Variants in FAM241A observed in about 807,000 individuals in gnomAD.
FAM241A encodes family with sequence similarity 241 member A, also known as uncharacterized protein FAM241A.
Under a neutral mutation model 12.2 loss-of-function variants are expected in FAM241A, and 7 were observed. That is an observed-to-expected ratio of 0.58 (90% confidence interval 0.33 to 1.08). The LOEUF (loss-of-function observed/expected upper bound fraction) is 1.08, where lower values mean the gene tolerates loss of function less well. FAM241A is among the 50% of genes least tolerant of loss of function. The pLI is 0.04. For synonymous variants in FAM241A, 74 were observed against 68.2 expected (o/e 1.08, Z -0.42); for missense variants, 161 against 169.7 (o/e 0.95, Z 0.29).
At position 112,160,856 on chromosome 4, in the gene FAM241A, A is replaced by G. The variant is rs116601435; in HGVS notation, c.153+15123A>G. ...GCTGTGGGAAAAACTGGATATCCAT[A>G]TGCAGAAGAATGAAACTACATCCTT... On this transcript the variant is annotated intron_variant, in intron 1 of 1. Coordinates refer to ENST00000309733, the MANE Select transcript of FAM241A (RefSeq NM_152400.3). Among the ~76,000 whole-genome samples the G allele has an allele frequency of 5.0e-3, 756 of 152,342 alleles. 3 individuals are homozygous for G. The highest frequency in any genetic ancestry group is 0.017 in the African/African-American group (700 of 41,578).
intron 1 of FAM241A, among the ~76,000 whole-genome samples, chr4:112,173,008 C>T (rs929472134): frequency 3.3e-5 from 5 of 152,162 alleles, no homozygotes; most frequent in Non-Finnish European, 7.4e-5. Context: ...CTACCTCAGC[C>T]TCCTGAGCAG....
intron 1 of FAM241A, among the ~76,000 whole-genome samples, chr4:112,147,137 A>T (rs1366357282): frequency 1.3e-5 from 2 of 152,256 alleles, no homozygotes; most frequent in Non-Finnish European, 2.9e-5. Context: ...TAGTATGATT[A>T]TGTAGACATC....
At position 112,186,843 on chromosome 4, in the gene FAM241A, G is replaced by A; in HGVS notation, c.304G>A (p.Val102Ile). ...AGAACGAATAGTGGAACCAGTAATA[G>A]TCATTTTCTTTTGGGTTATGCTGTG... is the stretch of plus-strand genomic sequence containing the variant. ...FGERIVEPVI[V>I]IFFWVMLWFL... The change falls in exon 2 of 2, where the codon GTC (valine) becomes ATC (isoleucine). Residue 102 changes from valine to isoleucine, a missense_variant. Val to Ile is a conservative substitution (Grantham distance 29, BLOSUM62 3). Coordinates refer to ENST00000309733, the MANE Select transcript of FAM241A (RefSeq NM_152400.3). 1 of 1,614,076 alleles carries A rather than the reference G, an allele frequency of 6.2e-7. No homozygotes were observed. The highest frequency in any genetic ancestry group is 2.2e-5 in the East Asian group (1 of 44,876).
chr4:112,156,858 T>C (rs1358609552), intron 1 of FAM241A, among the ~76,000 whole-genome samples: 2 of 152,172 alleles, frequency 1.3e-5, no homozygotes, highest in Admixed American at 6.6e-5. Context: ...TTAAAAATTA[T>C]CACAATATAA....
At chr4:112,158,082 A>G (rs1299847868) in intron 1 of FAM241A, among the ~76,000 whole-genome samples, 1 of 152,132 alleles carries the variant, frequency 6.6e-6, no homozygotes, top group African/African-American at 2.4e-5. Context: ...AATAGATATC[A>G]AACTTTGTCC....
intron 1 of FAM241A, among the ~76,000 whole-genome samples, chr4:112,165,144 A>G (rs1401023033): frequency 6.6e-6 from 1 of 152,232 alleles, no homozygotes; most frequent in Admixed American, 6.5e-5. Context: ...AAACAGGCAT[A>G]TGAAAAGATG....
At chr4:112,168,863 G>A (rs1456549964) in intron 1 of FAM241A, among the ~76,000 whole-genome samples, 3 of 152,002 alleles carry the variant, frequency 2.0e-5, no homozygotes, top group Admixed American at 2.0e-4. Flanking sequence ...CGGAGTTTCA[G>A]CATGTTGGTC....
At chr4:112,148,379 A>G (rs1723181847) in intron 1 of FAM241A, among the ~76,000 whole-genome samples, 1 of 152,156 alleles carries the variant, frequency 6.6e-6, no homozygotes, top group Admixed American at 6.5e-5. Context: ...ACCTAGTATT[A>G]ACATAGGTGT....
In FAM241A at chr4:112,193,399, GT is replaced by G. The variant is rs1724204654; in HGVS notation, c.*6465del. On this transcript the variant is annotated 3_prime_UTR_variant, in exon 2 of 2. Transcript: ENST00000309733. Reference sequence around the variant, plus strand: ...GTCTTTTGTTGCCATTGCTTTTGGTGTTTTAGACATGAAGTCCTTGCCCATG... The same window carrying G: ...GTCTTTTGTTGCCATTGCTTTTGGTGTTTAGACATGAAGTCCTTGCCCATG... 6.6e-6 allele frequency: 1 copy of G among 152,074 alleles called. No homozygotes were observed. Among genetic ancestry groups the G allele is most frequent in the Non-Finnish European group, 1.5e-5 (1 of 68,008 alleles). 9.4% of individuals were successfully genotyped at this position (152,074 alleles called of 1,614,324 possible).
At chr4:112,171,638 T>TC (rs986081847) in intron 1 of FAM241A, 1 of 518,448 alleles carries the variant, frequency 1.9e-6, no homozygotes, top group African/African-American at 1.9e-5. Flanking sequence ...GGCGGGCGAA[T>TC]CACGAGGTTA....
chr4:112,176,359 T>C (rs1723821276), intron 1 of FAM241A, among the ~76,000 whole-genome samples: 1 of 152,038 alleles, frequency 6.6e-6, no homozygotes, highest in East Asian at 1.9e-4. Context: ...TTCAAAAAGG[T>C]TTTATCTGTT....
chr4:112,184,954 A>T (rs1724010403), intron 1 of FAM241A, among the ~76,000 whole-genome samples: 1 of 152,154 alleles, frequency 6.6e-6, no homozygotes, highest in Non-Finnish European at 1.5e-5. Context: ...ATTTCCTCAA[A>T]TTCATTGGCT....
rs1269574713 is a variant in FAM241A at position 112,190,510 on chromosome 4, A to AC, written c.*3576dup. On this transcript the variant is annotated 3_prime_UTR_variant, in exon 2 of 2. Coordinates refer to ENST00000309733, the MANE Select transcript of FAM241A (RefSeq NM_152400.3). ...AGACTAGCCTGACCAACATGGAGAA[A>AC]CCCCGTCTCTACTAAAAAAAAAAAA... The AC allele has an allele frequency of 1.4e-5, 2 of 141,830 alleles. No individual in the cohort carries two copies. The highest frequency in any genetic ancestry group is 3.0e-5 in the Non-Finnish European group (2 of 66,052). The allele number at this position is 141,830 out of a possible 1,614,324, so 8.8% of individuals were successfully genotyped here.
intron 1 of FAM241A, among the ~76,000 whole-genome samples, chr4:112,182,446 A>G (rs1723958769): frequency 6.6e-6 from 1 of 152,128 alleles, no homozygotes; most frequent in Admixed American, 6.5e-5. Flanking sequence ...CCCACTTGCA[A>G]TATATTTGTA....
Position 112,193,426 on chromosome 4 carries a change from C to T in FAM241A, c.*6488C>T, listed in dbSNP as rs1433252405. The T allele has an allele frequency of 3.3e-5, 5 of 152,170 alleles. No individual in the cohort carries two copies. The South Asian group carries it at 1.0e-3, about 32-fold the overall frequency. The allele number at this position is 152,170 out of a possible 1,614,324, so 9.4% of individuals were successfully genotyped here. On this transcript the variant is annotated 3_prime_UTR_variant, in exon 2 of 2. Transcript: ENST00000309733. The stretch of plus-strand genomic sequence containing the variant: ...TTTAGACATGAAGTCCTTGCCCATG[C>T]CTATGTCCTGAATGGTAATGCCTAG...
At chr4:112,159,770 A>C (rs1346130167) in intron 1 of FAM241A, among the ~76,000 whole-genome samples, 2 of 152,190 alleles carry the variant, frequency 1.3e-5, no homozygotes, top group East Asian at 3.9e-4. Flanking sequence ...ATAGAAAGAA[A>C]ATATCTCAAC....
chr4:112,161,422 A>G (rs1723466193), intron 1 of FAM241A, among the ~76,000 whole-genome samples: 1 of 152,198 alleles, frequency 6.6e-6, no homozygotes, highest in South Asian at 2.1e-4. Context: ...AGCAAGACCA[A>G]TAAAGAAGGA....
intron 1 of FAM241A, among the ~76,000 whole-genome samples, chr4:112,183,288 TAAAAAA>T (rs1000628801): frequency 6.6e-6 from 1 of 150,922 alleles, no homozygotes; most frequent in Non-Finnish European, 1.5e-5. Context: ...TTTTTATAAT[TAAAAAA>T]AAAGAAGAAG....
At chr4:112,148,347 A>T (rs1334684764) in intron 1 of FAM241A, among the ~76,000 whole-genome samples, 1 of 152,088 alleles carries the variant, frequency 6.6e-6, no homozygotes, top group Non-Finnish European at 1.5e-5. Flanking sequence ...CTTATTTCAT[A>T]TATATATGAA....
Sources: gnomAD v4.1 joint callset for allele counts (sites outside exome capture counted in the v4.1 genomes callset) on GRCh38, gnomAD v4.1.1 for gene constraint, MANE v1.5 for transcripts, NCBI Gene and HGNC (gene_info 2026-07-23, HGNC 2026-07-21) for gene names.